The following CNIH3 variants were observed in gnomAD, a reference collection of about 807,000 sequenced individuals.
CNIH3 encodes cornichon family AMPA receptor auxiliary protein 3.
In CNIH3, 14 loss-of-function variants were observed where a neutral mutation model predicts 24.1. The ratio of observed to expected loss-of-function variants is 0.58; its 90% CI spans 0.38 to 0.91. The LOEUF is 0.91. Among genes scored for constraint, CNIH3 ranks in the 40% least tolerant of loss-of-function variants. The pLI is 0.00. For synonymous variants in CNIH3, 68 were observed against 73.8 expected, an observed-to-expected ratio of 0.92 and a Z score of 0.40; for missense variants, 178 against 196.8, an observed-to-expected ratio of 0.90 and a Z score of 0.57.
intron 1 of CNIH3, among the ~76,000 whole-genome samples, chr1:224,455,508 A>C (rs1024767630): frequency 1.3e-5 from 2 of 152,174 alleles, no homozygotes; most frequent in Non-Finnish European, 2.9e-5. Context: ...CCAGGAATCT[A>C]GTAGACCCAG....
chr1:224,680,091 T>A (rs1414290282), intron 1 of CNIH3, among the ~76,000 whole-genome samples: 1 of 152,014 alleles, frequency 6.6e-6, no homozygotes, highest in African/African-American at 2.4e-5. Flanking sequence ...TTACAGGCGG[T>A]CATGTCTGTT....
In CNIH3 at chr1:224,579,289, G is replaced by A. The variant is rs150919205; in HGVS notation, n.517-3875G>A. ...TTGGCCTCTGTCTTTCATTGTAAAG[G>A]TTTTCCTCAAATGCCGCAATGAGTC... On this transcript the variant is annotated intron_variant and non_coding_transcript_variant, in intron 4 of 5. Coordinates refer to the CNIH3 transcript ENST00000471578. Among the ~76,000 whole-genome samples the A allele has an allele frequency of 2.2e-3, 336 of 152,086 alleles. 1 individual carries two copies. Among genetic ancestry groups the A allele is most frequent in the African/African-American group, 7.5e-3 (309 of 41,466 alleles).
At chr1:224,537,608 C>T (rs779694296), downstream of CNIH3, 3 of 152,228 alleles carry the variant, frequency 2.0e-5, no homozygotes, top group East Asian at 1.9e-4. Context: ...CCAGGGCACA[C>T]ATTGTCAGGC....
At chr1:224,486,816 C>T (rs963684193) in intron 1 of CNIH3, among the ~76,000 whole-genome samples, 1 of 152,220 alleles carries the variant, frequency 6.6e-6, no homozygotes, top group Non-Finnish European at 1.5e-5. Context: ...AAGTAGAGTG[C>T]TTATCACAGT....
intron 4 of CNIH3, among the ~76,000 whole-genome samples, chr1:224,582,297 G>C (rs763371022): frequency 2.0e-5 from 3 of 152,162 alleles, no homozygotes; most frequent in Non-Finnish European, 2.9e-5. Context: ...GTGTTGGTGT[G>C]TGAACAGAAT....
chr1:224,504,671 G>T (rs1677821120), intron 1 of CNIH3, among the ~76,000 whole-genome samples: 1 of 152,090 alleles, frequency 6.6e-6, no homozygotes, highest in Non-Finnish European at 1.5e-5. Flanking sequence ...CTGTGACTTA[G>T]TTGTAACTGG....
At chr1:224,518,353 G>A (rs188525372) in intron 1 of CNIH3, among the ~76,000 whole-genome samples, 1 of 152,176 alleles carries the variant, frequency 6.6e-6, no homozygotes, top group African/African-American at 2.4e-5. Context: ...AGTTTTTTTA[G>A]AGACAAGGTC....
At chr1:224,555,900 C>G (rs1680117738) in intron 3 of CNIH3, among the ~76,000 whole-genome samples, 2 of 152,194 alleles carry the variant, frequency 1.3e-5, no homozygotes, top group African/African-American at 2.4e-5. Context: ...TTCCTTGTTT[C>G]CTACAGCTGG....
intron 3 of CNIH3, among the ~76,000 whole-genome samples, chr1:224,723,339 C>T (rs778931394): frequency 2.0e-5 from 3 of 152,250 alleles, no homozygotes; most frequent in Non-Finnish European, 4.4e-5. Context: ...CCTTCTCTCT[C>T]TGTGCCTTTT....
rs1680177080 is a variant in CNIH3, at chr1:224,557,298, T to G, written n.451-8901T>G. ...CCTGGGCTCAAACAATACTCCCACC[T>G]CAGCCTTCCAAAGTGCTAGGATTAC... On this transcript the variant is annotated intron_variant and non_coding_transcript_variant, in intron 3 of 5. Coordinates refer to the CNIH3 transcript ENST00000471578. 3.9e-5 allele frequency among the ~76,000 whole-genome samples: 6 copies of G among 152,090 alleles called. No individual in the cohort carries two copies. In the South Asian group the frequency reaches 1.2e-3, roughly 32 times the overall value.
rs541388666 is a variant in CNIH3, at chr1:224,516,204, A to G, written n.15+328A>G. 3.3e-5 allele frequency among the ~76,000 whole-genome samples: 5 copies of G among 151,072 alleles called. No homozygotes were observed. The Admixed American group carries it at 3.3e-4, about 10-fold the overall frequency. ...GTGGCACGTGCCTGTAGTCCCAGCT[A>G]CTTGAGAGGCTGAGGCAGGAGAATC... On this transcript the variant is annotated intron_variant and non_coding_transcript_variant, in intron 1 of 2. Coordinates refer to the CNIH3 transcript ENST00000470602.
At chr1:224,730,415 G>A (rs1458568998) in intron 3 of CNIH3, 47 bp from the exon 4 acceptor site, 3 of 1,238,588 alleles carry the variant, frequency 2.4e-6, no homozygotes, top group Admixed American at 2.0e-5. Flanking sequence ...AGCAGGAGTG[G>A]CGTTTTCCTC....
rs1053902770 is a variant in CNIH3 at position 224,434,850 on chromosome 1, C to T, written n.191C>T. 4 of 985,364 alleles carry T rather than the reference C, an allele frequency of 4.1e-6. No homozygotes were observed. The African/African-American group carries it at 7.0e-5, about 17-fold the overall frequency. 61.0% of individuals were successfully genotyped at this position (985,364 alleles called of 1,614,324 possible). ...ATGCCTATACTGCCCTCCTCACTCA[C>T]TTCCGGTGGCAGGTATGGAACCTAT... On this transcript the variant is annotated non_coding_transcript_exon_variant, in exon 1 of 6. Transcript: ENST00000471578.
chr1:224,589,024 C>T (rs1294050816), downstream of CNIH3, among the ~76,000 whole-genome samples: 3 of 138,776 alleles, frequency 2.2e-5, no homozygotes, highest in African/African-American at 8.2e-5. Context: ...ATCAACTTCC[C>T]AGATCCCTGC....
chr1:224,449,851 C>G (rs567970739), intron 1 of CNIH3, among the ~76,000 whole-genome samples: 2 of 152,138 alleles, frequency 1.3e-5, no homozygotes, highest in African/African-American at 4.8e-5. Flanking sequence ...ACCTGTGGCT[C>G]CAGTCACACC....
At chr1:224,588,534 C>T (rs142497574) in exon 6 of CNIH3, 14 of 151,438 alleles carry the variant, frequency 9.2e-5, no homozygotes, top group African/African-American at 2.9e-4. Flanking sequence ...CCTATGCCCA[C>T]GAATAAATCA....
At chr1:224,661,262 C>A in intron 1 of CNIH3, 1 of 305,282 alleles carries the variant, frequency 3.3e-6, no homozygotes, top group Non-Finnish European at 6.7e-6. Context: ...CTTTCTTGAC[C>A]ATTCTTGACA....
At chr1:224,662,368 A>G (rs1365145196) in intron 1 of CNIH3, among the ~76,000 whole-genome samples, 2 of 152,178 alleles carry the variant, frequency 1.3e-5, no homozygotes, top group Admixed American at 6.5e-5. Flanking sequence ...AGAACCTTAA[A>G]TATATGGGTA....
intron 2 of CNIH3, among the ~76,000 whole-genome samples, chr1:224,525,898 G>A (rs748795528): frequency 4.9e-4 from 74 of 152,244 alleles, no homozygotes; most frequent in Admixed American, 2.0e-3. Context: ...GGAGGCACTG[G>A]ACAGGCCTGC....
Sources: gnomAD v4.1 joint callset for allele counts (sites outside exome capture counted in the v4.1 genomes callset) on GRCh38, gnomAD v4.1.1 for gene constraint, MANE v1.5 for transcripts, NCBI Gene and HGNC (gene_info 2026-07-23, HGNC 2026-07-21) for gene names.